MYH3: variants seen among roughly 807,000 people sequenced by gnomAD.
The protein encoded by MYH3 is myosin-3.
In MYH3, 130 loss-of-function variants were observed where a neutral mutation model predicts 238.0. The observed-to-expected ratio is 0.55, with a 90% CI of 0.47 to 0.63. The LOEUF (loss-of-function observed/expected upper bound fraction) is 0.63, where lower values mean the gene tolerates loss of function less well. Among genes scored for constraint, MYH3 ranks in the 30% least tolerant of loss-of-function variants. The probability of loss-of-function intolerance (pLI) is 0.00; values close to 1 mark genes in which losing one functional copy is unlikely to be tolerated. For synonymous variants in MYH3, 880 were observed against 924.1 expected (o/e 0.95, Z 0.86); for missense variants, 1,853 against 2,374.9 (o/e 0.78, Z 4.57).
chr17:10,642,123 G>T lies in MYH3; in HGVS notation c.1959+117C>A. 1.0e-6 allele frequency: 1 copy of T among 962,236 alleles called. No homozygotes were observed. The highest frequency in any genetic ancestry group is 1.6e-6 in the Non-Finnish European group (1 of 611,194). The allele number at this position is 962,236 out of a possible 1,614,324, so 59.6% of individuals were successfully genotyped here. ...CATCTGTCACTTCACCTCAGTGACA[G>T]TAATCAGATTAAGACAACACTACTA... On this transcript the variant is annotated intron_variant, in intron 17 of 40. Coordinates refer to ENST00000583535, the MANE Select transcript of MYH3 (RefSeq NM_002470.4). The surrounding 1 kb of genome is among the most constrained non-coding windows in gnomAD (Gnocchi z 5.4).
At chr17:10,656,794 C>A (rs1016592336) in intron 1 of MYH3, among the ~76,000 whole-genome samples, 1 of 152,164 alleles carries the variant, frequency 6.6e-6, no homozygotes, top group African/African-American at 2.4e-5. Context: ...TGTCTGTGAA[C>A]AGGCAATATC....
At chr17:10,677,460 A>G in the MYH3 span, 45 of 152,362 alleles carry the variant, frequency 3.0e-4, no homozygotes, top group African/African-American at 1.1e-3. Context: ...GAAAACCAAA[A>G]AAGGTTTGGG....
Position 10,640,567 on chromosome 17 carries a change from G to A in MYH3, c.2285C>T (p.Thr762Ile). 1 of 1,614,232 alleles carries A rather than the reference G, an allele frequency of 6.2e-7. No individual in the cohort carries two copies. The highest frequency in any genetic ancestry group is 8.5e-7 in the Non-Finnish European group (1 of 1,180,036). Residue 762 changes from threonine (T) to isoleucine (I), a missense_variant, in exon 20 of 41, where the codon ACC becomes ATC. Thr to Ile is a moderately conservative substitution (Grantham distance 89). Transcript: ENST00000583535. ...IDHTQYKFGH[T>I]KVFFKAGLLG... ...CTGTCAGAACTGATGCATTACCTTGGTATGTCCAAATTTGTACTGAGTGTG... is the reference window on the plus strand; with the variant it reads ...CTGTCAGAACTGATGCATTACCTTGATATGTCCAAATTTGTACTGAGTGTG...
At chr17:10,663,837 T>G in the MYH3 span, among the ~76,000 whole-genome samples, 2 of 151,894 alleles carry the variant, frequency 1.3e-5, no homozygotes, top group Non-Finnish European at 1.5e-5. Context: ...CCGAGACAGG[T>G]GGATCACCTT....
At chr17:10,641,942 G>T (rs957130191) in intron 17 of MYH3, among the ~76,000 whole-genome samples, 1 of 152,194 alleles carries the variant, frequency 6.6e-6, no homozygotes, top group African/African-American at 2.4e-5. Flanking sequence ...TCAGGTGATG[G>T]ATCCACTGGG....
At position 10,642,546 on chromosome 17, in the gene MYH3, C is replaced by G. The variant is rs765585804; in HGVS notation, c.1759G>C (p.Val587Leu). 3 of 1,614,070 alleles carry G rather than the reference C, an allele frequency of 1.9e-6. No individual in the cohort carries two copies. In the African/African-American group the frequency reaches 4.0e-5, roughly 22 times the overall value. Reference protein sequence around the residue: ...HFSLIHYAGTVDYSVSGWLEK... With the variant: ...HFSLIHYAGTLDYSVSGWLEK... ...AGCCAACCTGAGACACTGTAGTCCACGGTGCCCGCATAGTGGATCAGTGAG... is the reference window on the plus strand; with the variant it reads ...AGCCAACCTGAGACACTGTAGTCCAGGGTGCCCGCATAGTGGATCAGTGAG... Residue 587 changes from valine to leucine, a missense_variant, in exon 16 of 41, where the codon GTG becomes CTG. Physicochemically the swap from Val to Leu is conservative, Grantham distance 32 (BLOSUM62 1). Around this residue, in one of 3 missense-constraint regions of MYH3, gnomAD observed 678 missense variants for 1,058.9 expected, o/e 0.64. Coordinates refer to ENST00000583535, the MANE Select transcript of MYH3 (RefSeq NM_002470.4). This position sits in a 1 kb window ranked among gnomAD's most constrained non-coding sequence, Gnocchi z 5.4.
At chr17:10,677,501 C>T in the MYH3 span, 3 of 152,122 alleles carry the variant, frequency 2.0e-5, no homozygotes. Flanking sequence ...ATATTAATGT[C>T]AATTTCTTTT....
Position 10,645,101 on chromosome 17 carries a change from G to A in MYH3, c.1142-399C>T, listed in dbSNP as rs747861942. On this transcript the variant is annotated intron_variant, in intron 12 of 40. Transcript: ENST00000583535. ...TGCCCAGGCTGGAGTGCAGTGGCAC[G>A]ATCTCAGTGCACTGCAACCTCTGCC... Among the ~76,000 whole-genome samples, 18 of 150,684 alleles carry A rather than the reference G, an allele frequency of 1.2e-4. No individual in the cohort carries two copies. The Middle Eastern group carries it at 0.01, about 86-fold the overall frequency.
At chr17:10,666,235 T>A in the MYH3 span, among the ~76,000 whole-genome samples, 28 of 152,020 alleles carry the variant, frequency 1.8e-4, no homozygotes, top group Non-Finnish European at 3.8e-4. Flanking sequence ...AATAGATAAA[T>A]CCAACATCAT....
Position 10,642,821 on chromosome 17 carries a change from G to C in MYH3, c.1581+5C>G. The C allele has an allele frequency of 6.2e-7, 1 of 1,614,140 alleles. No individual in the cohort carries two copies. Among genetic ancestry groups the C allele is most frequent in the Non-Finnish European group, 8.5e-7 (1 of 1,180,018 alleles). On this transcript the variant is annotated splice_donor_5th_base_variant and intron_variant, in intron 15 of 40. Transcript: ENST00000583535. This position sits in a 1 kb window ranked among gnomAD's most constrained non-coding sequence, Gnocchi z 5.4. The stretch of plus-strand genomic sequence containing the variant: ...AGAGCTTACGGTGGGGATGGAACTG[G>C]ATACCTTCTCGATGAGCTCGATGCA...
Position 10,639,980 on chromosome 17 carries a change from AT to A in MYH3, c.2682+15del. 6.3e-7 allele frequency: 1 copy of A among 1,596,830 alleles called. No homozygotes were observed. Among genetic ancestry groups the A allele is most frequent in the Non-Finnish European group, 8.5e-7 (1 of 1,172,686 alleles). ...TAGAAGAGTTAAAAAAAAAAAAAAG[AT>A]TGCTAAACACGTACAGCTTGTACTT... On this transcript the variant is annotated intron_variant, in intron 22 of 40. Coordinates refer to ENST00000583535, the MANE Select transcript of MYH3 (RefSeq NM_002470.4).
Position 10,646,344 on chromosome 17 carries a change from G to T in MYH3, c.899-312C>A, listed in dbSNP as rs2074321249. 2.0e-5 allele frequency among the ~76,000 whole-genome samples: 3 copies of T among 152,276 alleles called. No individual in the cohort carries two copies. The South Asian group carries it at 6.2e-4, about 32-fold the overall frequency. On this transcript the variant is annotated intron_variant, in intron 10 of 40. Coordinates refer to ENST00000583535, the MANE Select transcript of MYH3 (RefSeq NM_002470.4). ...AGTTAATAGGGAAAACTGGCTGAGT[G>T]CGGGTCAGGACGAGAGCCAACCCAG...
chr17:10,629,521 G>A, intron 40 of MYH3, 76 bp downstream of exon 40: 1 of 1,585,728 alleles, frequency 6.3e-7, no homozygotes, highest in Non-Finnish European at 8.6e-7. Context: ...TAAAGTAAAG[G>A]GTTCTCTGAG....
chr17:10,644,721 C>T lies in MYH3; in HGVS notation c.1142-19G>A. 1 of 1,571,588 alleles carries T rather than the reference C, an allele frequency of 6.4e-7. No homozygotes were observed. The highest frequency in any genetic ancestry group is 8.8e-7 in the Non-Finnish European group (1 of 1,141,818). ...TCAGCCACTGGCAAGAAAACAAGGA[C>T]AGTGCTTAGAAAAGTAGAAGAGCTG... On this transcript the variant is annotated intron_variant, in intron 12 of 40. Transcript: ENST00000583535.
the MYH3 span, among the ~76,000 whole-genome samples, chr17:10,665,268 G>A: frequency 6.6e-6 from 1 of 151,880 alleles, no homozygotes; most frequent in Admixed American, 6.6e-5. Flanking sequence ...TCAGCCTCCC[G>A]AGTAGCTGGA....
At chr17:10,652,337 C>T (rs1256169587) in intron 4 of MYH3, 83 bp downstream of exon 4, 32 of 1,517,816 alleles carry the variant, frequency 2.1e-5, no homozygotes, top group Non-Finnish European at 2.8e-5. Flanking sequence ...CAGAATCCCA[C>T]GGCCCACACA....
rs760252401 is a variant in MYH3, at chr17:10,639,992, G to A, written c.2682+4C>T. ...AAAAAAAAAAAAGATTGCTAAACAC[G>A]TACAGCTTGTACTTGGAGCTGCAGG... On this transcript the variant is annotated splice_donor_region_variant and intron_variant, in intron 22 of 40. Coordinates refer to ENST00000583535, the MANE Select transcript of MYH3 (RefSeq NM_002470.4). The A allele has an allele frequency of 2.2e-5, 35 of 1,612,292 alleles. No homozygotes were observed. In the East Asian group the frequency reaches 2.7e-4, roughly 12 times the overall value.
In MYH3 at chr17:10,633,657, C is replaced by T; in HGVS notation, c.4581G>A (p.Leu1527=). 2 of 1,614,024 alleles carry T rather than the reference C, an allele frequency of 1.2e-6. No homozygotes were observed. Among genetic ancestry groups the T allele is most frequent in the African/African-American group, 1.3e-5 (1 of 75,062 alleles). Reference sequence around the variant, plus strand: ...GCTCAATCTGCTTTCTTGATTTCTCCAGTTCATGGATGGTTTTGCCATTTT... The same window carrying T: ...GCTCAATCTGCTTTCTTGATTTCTCTAGTTCATGGATGGTTTTGCCATTTT... ...IAENGKTIHE[L]EKSRKQIELE... The change falls in exon 33 of 41, where the codon CTG becomes CTA. Residue 1527 remains leucine, a synonymous_variant. Transcript: ENST00000583535.
rs960843773 is a variant in MYH3, at chr17:10,639,577, G to A, written c.2908C>T (p.His970Tyr). 1.9e-6 allele frequency: 3 copies of A among 1,614,120 alleles called. No individual in the cohort carries two copies. Among genetic ancestry groups the A allele is most frequent in the Non-Finnish European group, 8.5e-7 (1 of 1,180,016 alleles). The change falls in exon 23 of 41, where the codon CAT becomes TAT. Residue 970 changes from histidine (H) to tyrosine (Y), a missense_variant. His to Tyr is a moderately conservative substitution (Grantham distance 83). This residue lies in a region of MYH3 where 1,044 missense variants were observed against 1,192.6 expected (regional missense o/e 0.88). Coordinates refer to ENST00000583535, the MANE Select transcript of MYH3 (RefSeq NM_002470.4). ...LTLAKVEKEK[H>Y]ATENKVKNLT... ...AAGAATACCTTGTTCTCTGTGGCAT[G>A]CTTCTCCTTCTCAACCTTGGCCAGG...
Sources: allele counts gnomAD v4.1 joint callset (sites outside exome capture counted in the v4.1 genomes callset), GRCh38; gene constraint gnomAD v4.1.1; regional missense constraint gnomAD v4.1.1; non-coding constraint Gnocchi (gnomAD v3.1); transcripts MANE v1.5; gene names NCBI Gene and HGNC (gene_info 2026-07-23, HGNC 2026-07-21).